SPON2: variants seen among roughly 807,000 people sequenced by gnomAD.
SPON2 encodes spondin 2, also known as spondin-2.
Under a neutral mutation model 29.9 loss-of-function variants are expected in SPON2, and 32 were observed. The ratio of observed to expected loss-of-function variants is 1.07; its 90% confidence interval spans 0.81 to 1.44. The LOEUF (loss-of-function observed/expected upper bound fraction) is 1.44, where lower values mean the gene tolerates loss of function less well. Among genes scored for constraint, SPON2 ranks in the 40% most tolerant of loss-of-function variants. The pLI is 0.00. For missense variants in SPON2, 541 were observed against 455.5 expected (o/e 1.19, Z -1.71); for synonymous variants, 248 against 209.1 (o/e 1.19, Z -1.61).
chr4:1,171,157 C>T lies in SPON2; in HGVS notation c.478G>A (p.Asp160Asn). 6.4e-7 allele frequency: 1 copy of T among 1,551,188 alleles called. No individual in the cohort carries two copies. Among genetic ancestry groups the T allele is most frequent in the East Asian group, 2.4e-5 (1 of 41,078 alleles). The change falls in exon 4 of 6, where the codon GAC (aspartate) becomes AAC (asparagine). Residue 160 changes from aspartate (D) to asparagine (N), a missense_variant. Coordinates refer to ENST00000290902, the MANE Select transcript of SPON2 (RefSeq NM_012445.4). ...SFVVRIVPSP[D>N]WFVGVDSLDL... ...AGGCTGTCCACGCCCACGAACCAGTCGGGGCTGGGCACGATGCGCACCACA... is the reference window on the plus strand; with the variant it reads ...AGGCTGTCCACGCCCACGAACCAGTTGGGGCTGGGCACGATGCGCACCACA...
intron 4 of SPON2, 175 bp from the exon 5 acceptor site, chr4:1,170,751 G>T (rs1322177699): frequency 4.9e-6 from 5 of 1,011,220 alleles, no homozygotes; most frequent in African/African-American, 4.8e-5. Context: ...GGAAACCGAG[G>T]CCAGGAAGGG....
chr4:1,182,064 G>C (rs1361752889), intron 1 of SPON2, among the ~76,000 whole-genome samples: 2 of 152,150 alleles, frequency 1.3e-5, no homozygotes. Flanking sequence ...CCTTGGCACA[G>C]AGAAAGCCTA....
At chr4:1,167,736 A>T in intron 5 of SPON2, 80 bp from the exon 6 acceptor site, 1 of 1,454,622 alleles carries the variant, frequency 6.9e-7, no homozygotes, top group Non-Finnish European at 9.2e-7. Flanking sequence ...CCTCCCACCA[A>T]CGTGTGCATT....
At chr4:1,207,710 G>A (rs1209466269) in intron 1 of SPON2, among the ~76,000 whole-genome samples, 1 of 152,184 alleles carries the variant, frequency 6.6e-6, no homozygotes, top group Non-Finnish European at 1.5e-5. Context: ...CATGCGCCGC[G>A]CTTACAGATG....
At chr4:1,179,965 A>C (rs557545836) in intron 1 of SPON2, among the ~76,000 whole-genome samples, 1 of 152,250 alleles carries the variant, frequency 6.6e-6, no homozygotes, top group South Asian at 2.1e-4. Flanking sequence ...GTTGGGCAAG[A>C]AATAGACAAA....
chr4:1,194,745 G>A (rs1256147614), intron 1 of SPON2, among the ~76,000 whole-genome samples: 1 of 152,054 alleles, frequency 6.6e-6, no homozygotes, highest in Non-Finnish European at 1.5e-5. Context: ...GTGGGTCAGC[G>A]TTTCCAAGTC....
chr4:1,179,259 T>TCAGGTTTCACAGGCACTCACTCTTAC (rs1364137812), intron 2 of SPON2, among the ~76,000 whole-genome samples: 4 of 152,182 alleles, frequency 2.6e-5, no homozygotes, highest in Admixed American at 6.5e-5. Flanking sequence ...CTCACTCTTA[T>TCAGGTTTCACAGGCACTCACTCTTAC]CAGGTTTCAC....
intron 1 of SPON2, among the ~76,000 whole-genome samples, chr4:1,186,635 T>A (rs1490088688): frequency 2.0e-5 from 3 of 152,194 alleles, no homozygotes; most frequent in Admixed American, 6.5e-5. Flanking sequence ...ATCATTTATC[T>A]GATAAGGCAC....
At chr4:1,190,893 CAAA>C (rs1314396925) in intron 1 of SPON2, among the ~76,000 whole-genome samples, 1 of 152,096 alleles carries the variant, frequency 6.6e-6, no homozygotes, top group African/African-American at 2.4e-5. Context: ...TAAATTCAAT[CAAA>C]GAAGTACACA....
Position 1,167,348 on chromosome 4 carries a change from C to T in SPON2, c.*124G>A, listed in dbSNP as rs768975411. 3 of 1,030,966 alleles carry T rather than the reference C, an allele frequency of 2.9e-6. No individual in the cohort carries two copies. The highest frequency in any genetic ancestry group is 1.6e-5 in the South Asian group (1 of 62,078). The allele number at this position is 1,030,966 out of a possible 1,614,324, so 63.9% of individuals were successfully genotyped here. On this transcript the variant is annotated 3_prime_UTR_variant, in exon 6 of 6. Coordinates refer to ENST00000290902, the MANE Select transcript of SPON2 (RefSeq NM_012445.4). ...TTCAGTGCAGAGATGGTCGGCGCGG[C>T]CTCACCGCGGTCAGGAGCAGCGCGA...
At position 1,167,609 on chromosome 4, in the gene SPON2, C is replaced by T. The variant is rs1426201402; in HGVS notation, c.859G>A (p.Gly287Arg). The T allele has an allele frequency of 1.9e-6, 3 of 1,613,198 alleles. No individual in the cohort carries two copies. The highest frequency in any genetic ancestry group is 1.7e-4 in the Middle Eastern group (1 of 6,054). ...CTCCCACAGTGGCCTCCGCACAGTC[C>T]CCAGGACGACCACAGGGAGACCTCG... ...DCEVSLWSSW[G>R]LCGGHCGRLG... is the part of the protein sequence containing the mutation. Residue 287 changes from glycine (G) to arginine (R), a missense_variant, in exon 6 of 6, where the codon GGA becomes AGA. Transcript: ENST00000290902.
chr4:1,190,289 A>G (rs1727888287), intron 1 of SPON2, among the ~76,000 whole-genome samples: 1 of 151,972 alleles, frequency 6.6e-6, no homozygotes, highest in Non-Finnish European at 1.5e-5. Context: ...TAGGAAAAAA[A>G]AAAACAAACA....
chr4:1,172,140 A>C, intron 1 of SPON2, 66 bp from the exon 2 acceptor site: 1 of 1,436,430 alleles, frequency 7.0e-7, no homozygotes. Flanking sequence ...TGGAAAGCCG[A>C]GAGGGCTGCG....
At chr4:1,174,508 A>AAAAAAAAAAAAAAAAAAAAAAAAAAAT (rs1727552954), upstream of SPON2, among the ~76,000 whole-genome samples, 1 of 149,900 alleles carries the variant, frequency 6.7e-6, no homozygotes, top group African/African-American at 2.5e-5. Context: ...AAAAACAAAA[A>AAAAAAAAAAAAAAAAAAAAAAAAAAAT]AACAAAAAAC....
At chr4:1,171,238 C>A in intron 3 of SPON2, 25 bp downstream of exon 3, 1 of 1,429,278 alleles carries the variant, frequency 7.0e-7, no homozygotes, top group Non-Finnish European at 9.1e-7. Context: ...CCCCGGACCC[C>A]GCCCCCGGCC....
intron 1 of SPON2, among the ~76,000 whole-genome samples, chr4:1,186,041 G>A (rs556012557): frequency 2.6e-3 from 397 of 150,130 alleles, no homozygotes; most frequent in African/African-American, 8.0e-3. Context: ...TCAGGAGATC[G>A]AGACCATCCT....
chr4:1,192,836 A>C (rs998825818), intron 1 of SPON2, among the ~76,000 whole-genome samples: 2 of 152,224 alleles, frequency 1.3e-5, no homozygotes, highest in African/African-American at 4.8e-5. Context: ...CCCAGCATCA[A>C]GCCCTCACAT....
intron 1 of SPON2, among the ~76,000 whole-genome samples, chr4:1,190,931 C>T (rs1727900527): frequency 6.6e-6 from 1 of 152,120 alleles, no homozygotes; most frequent in South Asian, 2.1e-4. Flanking sequence ...AACTACAAAA[C>T]ATCATTAGAA....
chr4:1,192,109 G>C (rs1727925754), intron 1 of SPON2, among the ~76,000 whole-genome samples: 2 of 152,256 alleles, frequency 1.3e-5, no homozygotes, highest in African/African-American at 4.8e-5. Flanking sequence ...GCTCAGGCCT[G>C]TCCACGGCTG....
Sources: allele counts gnomAD v4.1 joint callset (sites outside exome capture counted in the v4.1 genomes callset), GRCh38; gene constraint gnomAD v4.1.1; transcripts MANE v1.5; gene names NCBI Gene and HGNC (gene_info 2026-07-23, HGNC 2026-07-21).